PPP1R36: variants seen among roughly 807,000 people sequenced by gnomAD.
The protein encoded by PPP1R36 is chromosome 14 open reading frame 50.
In PPP1R36, 47 loss-of-function variants were observed where a neutral mutation model predicts 53.4. That is an observed-to-expected ratio of 0.88 (90% CI 0.70 to 1.12). The LOEUF (loss-of-function observed/expected upper bound fraction) is 1.12, where lower values mean the gene tolerates loss of function less well. Ranked by LOEUF, PPP1R36 falls within the 50% of genes most tolerant of loss-of-function variation. The pLI is 0.00. For missense variants in PPP1R36, 456 were observed against 513.9 expected, an observed-to-expected ratio of 0.89 and a Z score of 1.09; for synonymous variants, 153 against 170.5, an observed-to-expected ratio of 0.90 and a Z score of 0.80.
chr14:64,562,994 G>A (rs1390376440), intron 3 of PPP1R36, among the ~76,000 whole-genome samples: 1 of 152,006 alleles, frequency 6.6e-6, no homozygotes, highest in Non-Finnish European at 1.5e-5. Flanking sequence ...AGCCTCCCAG[G>A]TAGCTGGGAT....
chr14:64,551,382 G>A (rs546109413), intron 2 of PPP1R36, among the ~76,000 whole-genome samples: 7 of 152,244 alleles, frequency 4.6e-5, no homozygotes, highest in Non-Finnish European at 7.4e-5. Flanking sequence ...TTGAGTTAGA[G>A]AAATATAGTT....
chr14:64,587,377 G>A lies in PPP1R36; in HGVS notation c.890+5G>A. 1 of 1,541,794 alleles carries A rather than the reference G, an allele frequency of 6.5e-7. No individual in the cohort carries two copies. The highest frequency in any genetic ancestry group is 8.8e-7 in the Non-Finnish European group (1 of 1,139,770). ...CATGACTTTTGTTCAGTTCAGGTAT[G>A]ACCTTTTGACTTTCCTATGCTCAGG... On this transcript the variant is annotated splice_donor_5th_base_variant and intron_variant, in intron 10 of 11. Transcript: ENST00000298705.
At chr14:64,563,469 A>ACG (rs1479223631) in intron 3 of PPP1R36, among the ~76,000 whole-genome samples, 2 of 139,516 alleles carry the variant, frequency 1.4e-5, no homozygotes, top group Admixed American at 1.4e-4. Flanking sequence ...AAAAAAAAAG[A>ACG]AAGAAAAGAA....
At chr14:64,577,336 C>T (rs2080350508) in intron 8 of PPP1R36, among the ~76,000 whole-genome samples, 1 of 152,218 alleles carries the variant, frequency 6.6e-6, no homozygotes, top group Non-Finnish European at 1.5e-5. Flanking sequence ...CAGCTCATTG[C>T]ACCATGCCTC....
intron 8 of PPP1R36, among the ~76,000 whole-genome samples, chr14:64,579,096 C>T (rs1305468462): frequency 6.6e-6 from 1 of 152,108 alleles, no homozygotes; most frequent in East Asian, 1.9e-4. Context: ...AAGCAACAGA[C>T]ACTGGGGTCC....
Position 64,564,817 on chromosome 14 carries a change from T to C in PPP1R36, c.249T>C (p.Thr83=). The change falls in exon 4 of 12, where the codon ACT becomes ACC. Residue 83 remains threonine, a synonymous_variant. Transcript: ENST00000298705. ...GCAAAGCAGTTCACTTTGCAGAAAC[T>C]GATGGTCCAGCTTCAGACAGGTAGA... ...KKGKAVHFAE[T]DGPASDRLTD... The C allele has an allele frequency of 6.2e-7, 1 of 1,607,186 alleles. No homozygotes were observed. Among genetic ancestry groups the C allele is most frequent in the South Asian group, 1.1e-5 (1 of 90,198 alleles).
intron 6 of PPP1R36, among the ~76,000 whole-genome samples, chr14:64,566,906 T>C (rs1257339293): frequency 6.6e-6 from 1 of 152,256 alleles, no homozygotes. Flanking sequence ...AGATGTTTTC[T>C]ACACTGTCTC....
At position 64,568,346 on chromosome 14, in the gene PPP1R36, T is replaced by C. The variant is rs1167190095; in HGVS notation, c.435-3T>C. The C allele has an allele frequency of 1.5e-6, 2 of 1,360,196 alleles. No homozygotes were observed. Among genetic ancestry groups the C allele is most frequent in the African/African-American group, 2.9e-5 (2 of 68,008 alleles). 84.3% of individuals were successfully genotyped at this position (1,360,196 alleles called of 1,614,324 possible). ...TTTTTTGTTGTTTCAAATCTCCCCA[T>C]AGGAATAAGAATCTTGATAATTTCC... On this transcript the variant is annotated splice_region_variant and splice_polypyrimidine_tract_variant and intron_variant, in intron 6 of 11. Transcript: ENST00000298705.
intron 7 of PPP1R36, among the ~76,000 whole-genome samples, chr14:64,571,815 G>A (rs1170984776): frequency 2.0e-5 from 3 of 152,160 alleles, no homozygotes; most frequent in African/African-American, 2.4e-5. Flanking sequence ...GGTGGAAGGC[G>A]AATGAGGAGC....
At chr14:64,556,383 A>G (rs10142343) in intron 3 of PPP1R36, among the ~76,000 whole-genome samples, 55,613 of 151,810 alleles carry the variant, frequency 0.37, 10,819 homozygotes, top group African/African-American at 0.49. Context: ...GATTATAGGC[A>G]TGAGCCACTG....
At chr14:64,573,552 G>C (rs1380325362) in intron 7 of PPP1R36, among the ~76,000 whole-genome samples, 2 of 152,002 alleles carry the variant, frequency 1.3e-5, no homozygotes, top group East Asian at 3.9e-4. Flanking sequence ...TTTGTTAATT[G>C]AGCTGTTCTA....
Position 64,574,539 on chromosome 14 carries a change from C to A in PPP1R36, c.618C>A (p.Ile206=), listed in dbSNP as rs2080328073. ...AQRYLAQKYC[I]LVLGLAVPDK... is the part of the protein sequence containing the mutation. ...GGTACTTGGCGCAGAAGTACTGTAT[C>A]CTTGTGCTGGGCTTGGCCGTGCCGG... The change falls in exon 8 of 12, where the codon ATC becomes ATA. Residue 206 remains isoleucine (I), a synonymous_variant. Transcript: ENST00000298705. 6.2e-7 allele frequency: 1 copy of A among 1,613,888 alleles called. No homozygotes were observed. Among genetic ancestry groups the A allele is most frequent in the African/African-American group, 1.3e-5 (1 of 74,920 alleles).
chr14:64,567,148 C>T (rs923730250), intron 6 of PPP1R36, among the ~76,000 whole-genome samples: 2 of 152,242 alleles, frequency 1.3e-5, no homozygotes, highest in African/African-American at 2.4e-5. Context: ...CACCCTCATC[C>T]TGCTCTTTAG....
intron 8 of PPP1R36, among the ~76,000 whole-genome samples, chr14:64,583,260 TATTTTAAGTA>T (rs1193657836): frequency 6.6e-6 from 1 of 151,660 alleles, no homozygotes; most frequent in Admixed American, 6.6e-5. Context: ...ATAATCAATT[TATTTTAAGTA>T]TATGTACTTA....
In PPP1R36 at chr14:64,573,365, T is replaced by C. The variant is rs961081805; in HGVS notation, c.534-1090T>C. 3.3e-5 allele frequency among the ~76,000 whole-genome samples: 5 copies of C among 152,290 alleles called. No individual in the cohort carries two copies. In the South Asian group the frequency reaches 1.0e-3, roughly 32 times the overall value. ...AGAGTAGTAGTTCACAGATGCCTTC[T>C]TAGCAAACACAGCTACACTCAAAAT... On this transcript the variant is annotated intron_variant, in intron 7 of 11. Transcript: ENST00000298705.
intron 7 of PPP1R36, among the ~76,000 whole-genome samples, chr14:64,570,023 G>A (rs2080290584): frequency 6.6e-6 from 1 of 152,022 alleles, no homozygotes; most frequent in Admixed American, 6.6e-5. Flanking sequence ...ACAGGTGTGA[G>A]TAACCGTGCC....
At chr14:64,581,564 G>A (rs2080390216) in intron 8 of PPP1R36, among the ~76,000 whole-genome samples, 1 of 146,064 alleles carries the variant, frequency 6.8e-6, no homozygotes, top group Non-Finnish European at 1.5e-5. Flanking sequence ...ACTTCTCAGG[G>A]CTAGCTAGGT....
intron 7 of PPP1R36, 68 bp downstream of exon 7, chr14:64,568,515 G>C (rs1205689661): frequency 1.5e-6 from 1 of 687,272 alleles, no homozygotes; most frequent in Non-Finnish European, 2.4e-6. Context: ...CTTTTGTCTA[G>C]GATAAAGAGA....
chr14:64,572,029 G>A (rs1296708549), intron 7 of PPP1R36, among the ~76,000 whole-genome samples: 1 of 152,084 alleles, frequency 6.6e-6, no homozygotes, highest in Non-Finnish European at 1.5e-5. Flanking sequence ...GATTTGGGTG[G>A]GGACACAGCC....
Sources: allele counts gnomAD v4.1 joint callset (sites outside exome capture counted in the v4.1 genomes callset), GRCh38; gene constraint gnomAD v4.1.1; transcripts MANE v1.5; gene names NCBI Gene and HGNC (gene_info 2026-07-23, HGNC 2026-07-21).